Variants in RPTOR observed in about 807,000 individuals in gnomAD.
The protein encoded by RPTOR is regulatory-associated protein of mTOR.
Under a neutral mutation model 169.9 loss-of-function variants are expected in RPTOR, and 21 were observed. That is an observed-to-expected ratio of 0.12 (90% CI 0.09 to 0.18). The LOEUF (loss-of-function observed/expected upper bound fraction) is 0.18, where lower values mean the gene tolerates loss of function less well. RPTOR is among the 10% of genes least tolerant of loss of function. The pLI, the probability that RPTOR is intolerant of heterozygous loss-of-function variation, is 1.00. For missense variants in RPTOR, 1,133 were observed against 1,855.9 expected (o/e 0.61, Z 7.16); for synonymous variants, 732 against 753.2 (o/e 0.97, Z 0.46).
intron 31 of RPTOR, among the ~76,000 whole-genome samples, chr17:80,961,909 A>G (rs1244222155): frequency 4.6e-5 from 7 of 152,344 alleles, no homozygotes; most frequent in Non-Finnish European, 1.0e-4. Context: ...GAAGAGCAAG[A>G]TGTAATTTAT....
chr17:80,703,697 C>CCAGTACTGCCGGAGGAGCCT (rs1317089857), intron 3 of RPTOR, among the ~76,000 whole-genome samples: 3 of 152,222 alleles, frequency 2.0e-5, no homozygotes, highest in African/African-American at 7.2e-5. Flanking sequence ...TCCCAGGGCC[C>CCAGTACTGCCGGAGGAGCCT]CAGTACTGCC....
intron 3 of RPTOR, among the ~76,000 whole-genome samples, chr17:80,653,326 T>C (rs2065655000): frequency 6.6e-6 from 1 of 152,214 alleles, no homozygotes; most frequent in Non-Finnish European, 1.5e-5. Context: ...GAGGATCCTT[T>C]GAGCTCAGGA....
At position 80,562,259 on chromosome 17, in the gene RPTOR, G is replaced by T. The variant is rs1258978621; in HGVS notation, c.162+16468G>T. 2.0e-5 allele frequency among the ~76,000 whole-genome samples: 3 copies of T among 152,194 alleles called. No homozygotes were observed. Among genetic ancestry groups the T allele is most frequent in the African/African-American group, 7.2e-5 (3 of 41,446 alleles). ...TACACCAGGCATTTGGAAAGCCAAA[G>T]AACACGTGTTTGCTTGTGAAAACTT... On this transcript the variant is annotated intron_variant, in intron 1 of 33. Transcript: ENST00000306801. The surrounding 1 kb of genome is among the most constrained non-coding windows in gnomAD (Gnocchi z 4.4).
intron 6 of RPTOR, among the ~76,000 whole-genome samples, chr17:80,780,460 T>C (rs376761333): frequency 6.6e-6 from 1 of 152,128 alleles, no homozygotes; most frequent in Non-Finnish European, 1.5e-5. Context: ...TTTCTAGCCC[T>C]GATTCTGAAC....
chr17:80,643,951 G>A (rs1289782193), intron 3 of RPTOR, 141 bp downstream of exon 3: 3 of 635,434 alleles, frequency 4.7e-6, no homozygotes, highest in South Asian at 2.1e-5. Context: ...ACTGCGTTTC[G>A]TGTGCCTGCG....
Position 80,730,681 on chromosome 17 carries a change from C to T in RPTOR, c.629C>T (p.Ala210Val), listed in dbSNP as rs745951041. Reference sequence around the variant, plus strand: ...ATCGTCAAGTCCTTCAAGCAGTTCGCACTACAGCGGGAGCAGGAGCTGGAG... The same window carrying T: ...ATCGTCAAGTCCTTCAAGCAGTTCGTACTACAGCGGGAGCAGGAGCTGGAG... The part of the protein sequence containing the change: ...GLIVKSFKQF[A>V]LQREQELEVA... Residue 210 changes from alanine (A) to valine (V), a missense_variant, in exon 5 of 34, where the codon GCA becomes GTA. By Grantham distance (64) the Ala-to-Val change is moderately conservative (BLOSUM62 0). This residue lies in a region of RPTOR where 35 missense variants were observed against 31.8 expected (regional missense o/e 1.10). Coordinates refer to ENST00000306801, the MANE Select transcript of RPTOR (RefSeq NM_020761.3). This position sits in a 1 kb window ranked among gnomAD's most constrained non-coding sequence, Gnocchi z 4.2. The T allele has an allele frequency of 6.2e-6, 10 of 1,611,530 alleles. No homozygotes were observed. The highest frequency in any genetic ancestry group is 8.5e-6 in the Non-Finnish European group (10 of 1,179,040).
Position 80,545,535 on chromosome 17 carries a change from T to C in RPTOR, c.-95T>C. The C allele has an allele frequency of 1.0e-6, 1 of 990,030 alleles. No individual in the cohort carries two copies. The highest frequency in any genetic ancestry group is 1.5e-6 in the Non-Finnish European group (1 of 663,028). 61.3% of individuals were successfully genotyped at this position (990,030 alleles called of 1,614,324 possible). A position where few individuals can be genotyped will look rare whatever the true frequency, so the allele number is the denominator to read the frequency against. ...TTTGGTTTTCGATTTCCCGTTTTTGTTTCTTATTTCACCAATTCTGGTACA... is the reference window on the plus strand; with the variant it reads ...TTTGGTTTTCGATTTCCCGTTTTTGCTTCTTATTTCACCAATTCTGGTACA... On this transcript the variant is annotated 5_prime_UTR_variant, in exon 1 of 34. Transcript: ENST00000306801.
At chr17:80,898,035 G>A (rs531361819) in intron 20 of RPTOR, among the ~76,000 whole-genome samples, 33 of 152,272 alleles carry the variant, frequency 2.2e-4, no homozygotes, top group African/African-American at 7.5e-4. Flanking sequence ...GTGTTCTTTC[G>A]GTGTCTGAGT....
intron 11 of RPTOR, 145 bp from the exon 12 acceptor site, chr17:80,855,319 G>T: frequency 1.6e-6 from 1 of 636,160 alleles, no homozygotes; most frequent in African/African-American, 1.8e-5. Context: ...TGTAAGGAAA[G>T]GAGCACCAGC....
chr17:80,667,885 A>G (rs755492157), intron 3 of RPTOR, among the ~76,000 whole-genome samples: 15 of 152,212 alleles, frequency 9.9e-5, no homozygotes, highest in African/African-American at 4.8e-5. Flanking sequence ...CATTTAGAAA[A>G]AAGTTAACCT....
chr17:80,701,409 A>C (rs892768030), intron 3 of RPTOR, among the ~76,000 whole-genome samples: 1 of 152,108 alleles, frequency 6.6e-6, no homozygotes, highest in African/African-American at 2.4e-5. Flanking sequence ...CTTGTTTTTC[A>C]TCCTAACACC....
At chr17:80,865,834 A>G (rs917953437) in intron 13 of RPTOR, among the ~76,000 whole-genome samples, 1 of 152,062 alleles carries the variant, frequency 6.6e-6, no homozygotes, top group Non-Finnish European at 1.5e-5. Context: ...CACGCCACAC[A>G]GCAGCCATGC....
At chr17:80,879,563 T>A (rs922271021) in intron 13 of RPTOR, among the ~76,000 whole-genome samples, 4 of 151,534 alleles carry the variant, frequency 2.6e-5, no homozygotes, top group Non-Finnish European at 5.9e-5. Flanking sequence ...CGTAAAGAGG[T>A]CTCCAAAAAG....
chr17:80,637,462 GATA>G (rs1390667743), intron 2 of RPTOR, among the ~76,000 whole-genome samples: 11 of 152,240 alleles, frequency 7.2e-5, no homozygotes, highest in African/African-American at 2.7e-4. Flanking sequence ...CCCCCCTCTG[GATA>G]ATAAGTTGCT....
intron 5 of RPTOR, among the ~76,000 whole-genome samples, chr17:80,744,627 AGAGCC>A (rs1419811460): frequency 4.8e-5 from 2 of 41,344 alleles, no homozygotes; most frequent in Non-Finnish European, 9.7e-5. Context: ...GGTTACTAGC[AGAGCC>A]CTGGCTACTA....
chr17:80,706,877 C>CTTCCCATTT (rs2066146135), intron 3 of RPTOR, among the ~76,000 whole-genome samples: 2 of 152,174 alleles, frequency 1.3e-5, no homozygotes, highest in African/African-American at 4.8e-5. Context: ...CATTTGTTCA[C>CTTCCCATTT]GTCTTCTGTG....
In RPTOR at chr17:80,962,587, A is replaced by C. The variant is rs780623395; in HGVS notation, c.3809+10A>C. ...CGGACCTGATCGCATGGTAGGCGCC[A>C]CCCACCTCCCTGGCCTGCACCGCTC... On this transcript the variant is annotated intron_variant, in intron 32 of 33. Transcript: ENST00000306801. The C allele has an allele frequency of 6.2e-7, 1 of 1,606,760 alleles. No homozygotes were observed. The highest frequency in any genetic ancestry group is 8.5e-7 in the Non-Finnish European group (1 of 1,175,068).
chr17:80,557,058 T>A (rs2084418849), intron 1 of RPTOR, among the ~76,000 whole-genome samples: 1 of 152,026 alleles, frequency 6.6e-6, no homozygotes, highest in Admixed American at 6.5e-5. Context: ...ATCTTGCCAC[T>A]GCACTTCAGC....
At chr17:80,579,152 G>T (rs1599569977) in intron 1 of RPTOR, among the ~76,000 whole-genome samples, 1 of 152,270 alleles carries the variant, frequency 6.6e-6, no homozygotes, top group East Asian at 1.9e-4. Context: ...CAAGGACTTT[G>T]TGGATCCCTT....
Sources: gnomAD v4.1 joint callset for allele counts (sites outside exome capture counted in the v4.1 genomes callset) on GRCh38, gnomAD v4.1.1 for gene constraint, gnomAD v4.1.1 regional missense constraint, Gnocchi (gnomAD v3.1) non-coding constraint, MANE v1.5 for transcripts, NCBI Gene and HGNC (gene_info 2026-07-23, HGNC 2026-07-21) for gene names.